The following EPG5 variants were observed in gnomAD, a reference collection of about 807,000 sequenced individuals.
The protein encoded by EPG5 is ectopic P granules protein 5 homolog.
A neutral mutation model predicts 302.7 loss-of-function variants in EPG5; 159 were observed. The ratio of observed to expected loss-of-function variants is 0.53; its 90% CI spans 0.46 to 0.60. EPG5 has a LOEUF of 0.60. Ranked by LOEUF, EPG5 falls within the 20% of genes least tolerant of loss-of-function variation. EPG5 has a pLI of 0.00. For synonymous variants in EPG5, 1,158 were observed against 1,136.8 expected, an observed-to-expected ratio of 1.02 and a Z score of -0.37; for missense variants, 2,896 against 3,092.4, an observed-to-expected ratio of 0.94 and a Z score of 1.51.
rs1440988223 is a variant in EPG5, at chr18:45,934,596, G to C, written c.2257+213C>G. The stretch of plus-strand genomic sequence containing the variant: ...AGAATATTGTGTGTATTGGTATACT[G>C]TTTGGGACTAATCAAATTTTGATTT... On this transcript the variant is annotated intron_variant, in intron 11 of 43. Transcript: ENST00000282041. Among the ~76,000 whole-genome samples, 3 of 152,204 alleles carry C rather than the reference G, an allele frequency of 2.0e-5. No homozygotes were observed. The East Asian group carries it at 5.8e-4, about 29-fold the overall frequency.
At chr18:45,869,993 TAC>T (rs2048835817) in intron 36 of EPG5, among the ~76,000 whole-genome samples, 1 of 151,964 alleles carries the variant, frequency 6.6e-6, no homozygotes, top group African/African-American at 2.4e-5. Context: ...TAAGTTACAC[TAC>T]ACTCTCTGTT....
At position 45,848,749 on chromosome 18, in the gene EPG5, T is replaced by C. The variant is rs1166481861; in HGVS notation, c.*3718A>G. 3 of 152,268 alleles carry C rather than the reference T, an allele frequency of 2.0e-5. No homozygotes were observed. Among genetic ancestry groups the C allele is most frequent in the Admixed American group, 1.3e-4 (2 of 15,286 alleles). The allele number at this position is 152,268 out of a possible 1,614,324, so 9.4% of individuals were successfully genotyped here. ...TAATTTGGACACTTTCCCCAAACCG[T>C]AGCCCAGTTAGACATGATGGTGGAA... On this transcript the variant is annotated 3_prime_UTR_variant, in exon 44 of 44. Transcript: ENST00000282041.
chr18:45,965,111 A>G (rs762164865), intron 1 of EPG5, among the ~76,000 whole-genome samples: 4 of 152,220 alleles, frequency 2.6e-5, no homozygotes, highest in Non-Finnish European at 2.9e-5. Context: ...ATGGAATACT[A>G]TGCAGCCATA....
chr18:45,920,519 A>G (rs1016012121), intron 16 of EPG5, among the ~76,000 whole-genome samples: 1 of 152,254 alleles, frequency 6.6e-6, no homozygotes. Flanking sequence ...GCCGGCTGGA[A>G]GACTGGGCAT....
chr18:45,838,607 C>T, the EPG5 span: 1 of 1,379,316 alleles, frequency 7.2e-7, no homozygotes, highest in South Asian at 1.5e-5. Context: ...CAGCCTGGCA[C>T]CCAAGTGCCC....
intron 9 of EPG5, among the ~76,000 whole-genome samples, chr18:45,940,436 T>G (rs2050637714): frequency 6.6e-6 from 1 of 152,042 alleles, no homozygotes; most frequent in African/African-American, 2.4e-5. Context: ...TGTTTAAGAA[T>G]ACACTGAGGT....
the EPG5 span, among the ~76,000 whole-genome samples, chr18:45,809,649 A>C: frequency 6.6e-6 from 1 of 152,254 alleles, no homozygotes; most frequent in East Asian, 1.9e-4. Flanking sequence ...ATCAAGATGA[A>C]AATTAAAAAG....
chr18:45,946,570 TGA>T (rs1288584606), intron 7 of EPG5, 91 bp downstream of exon 7: 1 of 861,020 alleles, frequency 1.2e-6, no homozygotes. Context: ...GAGAATTAAA[TGA>T]GATACTATGT....
rs2145406202 is a variant in EPG5, at chr18:45,880,210, C to T, written c.5532G>A (p.Gln1844=). Reference sequence around the variant, plus strand: ...CCTTCCAACACTCGGGGCTCAGAAGCTGCTCCGCGGAGCCTGCCAGCAGGG... The same window carrying T: ...CCTTCCAACACTCGGGGCTCAGAAGTTGCTCCGCGGAGCCTGCCAGCAGGG... ...LRLLMQSSAE[Q]LLSPECWKAT... The change falls in exon 32 of 44, where the codon CAG becomes CAA. Residue 1844 remains glutamine (Q), a synonymous_variant. Coordinates refer to ENST00000282041, the MANE Select transcript of EPG5 (RefSeq NM_020964.3). The T allele has an allele frequency of 6.2e-7, 1 of 1,601,008 alleles. No individual in the cohort carries two copies. The highest frequency in any genetic ancestry group is 8.5e-7 in the Non-Finnish European group (1 of 1,172,292).
At chr18:45,926,039 G>A (rs1343323805) in intron 13 of EPG5, 137 bp from the exon 14 acceptor site, 2 of 495,638 alleles carry the variant, frequency 4.0e-6, no homozygotes, top group Non-Finnish European at 6.5e-6. Flanking sequence ...TTTTAGACAA[G>A]TGAAATGGAA....
At chr18:45,905,682 T>G (rs1234752754) in intron 24 of EPG5, among the ~76,000 whole-genome samples, 2 of 152,088 alleles carry the variant, frequency 1.3e-5, no homozygotes, top group African/African-American at 4.8e-5. Flanking sequence ...TGAGCTTGAA[T>G]TACAGATCAA....
intron 27 of EPG5, among the ~76,000 whole-genome samples, chr18:45,897,235 T>C (rs2049499245): frequency 6.6e-6 from 1 of 152,196 alleles, no homozygotes; most frequent in African/African-American, 2.4e-5. Context: ...AGTAAATATT[T>C]ACAGTTCTTC....
the EPG5 span, among the ~76,000 whole-genome samples, chr18:45,818,461 T>C: frequency 6.6e-6 from 1 of 152,222 alleles, no homozygotes; most frequent in African/African-American, 2.4e-5. Flanking sequence ...TAAGAGTCCC[T>C]TTCCCTACTC....
chr18:45,827,924 T>C, the EPG5 span, among the ~76,000 whole-genome samples: 2 of 152,242 alleles, frequency 1.3e-5, no homozygotes, highest in East Asian at 1.9e-4. Flanking sequence ...ACCTTCTCTG[T>C]TGAGATTACT....
chr18:45,869,978 G>A (rs2048835531), intron 36 of EPG5, among the ~76,000 whole-genome samples: 2 of 151,160 alleles, frequency 1.3e-5, no homozygotes. Context: ...TGCCTGACTA[G>A]TATGTAAGTT....
chr18:45,913,042 T>G (rs1325356395), intron 21 of EPG5, among the ~76,000 whole-genome samples: 2 of 151,106 alleles, frequency 1.3e-5, no homozygotes, highest in African/African-American at 2.4e-5. Context: ...GAGCTGAGAT[T>G]GTGCCATTGT....
rs573819369 is a variant in EPG5 at position 45,855,877 on chromosome 18, AT to A, written c.7443-191del. Among the ~76,000 whole-genome samples, 240 of 152,350 alleles carry A rather than the reference AT, an allele frequency of 1.6e-3. 1 individual carries two copies. Among genetic ancestry groups the A allele is most frequent in the African/African-American group, 5.4e-3 (225 of 41,586 alleles). Reference sequence around the variant, plus strand: ...TCCATTATCACCATCCAAACAATATATGTATAATTCAGATTCAAGAATGAAA... The same window carrying A: ...TCCATTATCACCATCCAAACAATATAGTATAATTCAGATTCAAGAATGAAA... On this transcript the variant is annotated intron_variant, in intron 42 of 43. Coordinates refer to ENST00000282041, the MANE Select transcript of EPG5 (RefSeq NM_020964.3).
chr18:45,949,410 G>T, intron 5 of EPG5, 74 bp downstream of exon 5: 43 of 761,256 alleles, frequency 5.6e-5, no homozygotes, highest in Middle Eastern at 2.5e-4. Context: ...TTTTTTTTCA[G>T]CAATTTCTTC....
chr18:45,824,883 G>A, the EPG5 span, among the ~76,000 whole-genome samples: 177 of 152,168 alleles, frequency 1.2e-3, no homozygotes, highest in Middle Eastern at 6.8e-3. Flanking sequence ...CTGAAGAAAC[G>A]GGTCTGGCTC....
Sources: allele counts gnomAD v4.1 joint callset (sites outside exome capture counted in the v4.1 genomes callset), GRCh38; gene constraint gnomAD v4.1.1; transcripts MANE v1.5; gene names NCBI Gene and HGNC (gene_info 2026-07-23, HGNC 2026-07-21).